Variants in TUBE1 observed in about 807,000 individuals in gnomAD.
The protein encoded by TUBE1 is tubulin epsilon 1.
In TUBE1, 34 loss-of-function variants were observed where a neutral mutation model predicts 53.5. The observed-to-expected ratio is 0.64, with a 90% CI of 0.48 to 0.85. TUBE1 has a LOEUF of 0.85. Ranked by LOEUF, TUBE1 falls within the 40% of genes least tolerant of loss-of-function variation. The pLI is 0.00. For missense variants in TUBE1, 532 were observed against 570.5 expected (o/e 0.93, Z 0.69); for synonymous variants, 177 against 198.4 (o/e 0.89, Z 0.91).
chr6:112,087,233 C>T lies in TUBE1; in HGVS notation c.99G>A (p.Gln33=), dbSNP rs1162941454. 1.3e-6 allele frequency: 2 copies of T among 1,550,738 alleles called. No individual in the cohort carries two copies. The highest frequency in any genetic ancestry group is 2.7e-5 in the African/African-American group (2 of 73,046). Reference sequence around the variant, plus strand: ...GGGGCTCGCGGCGGCGGGCGGGTACCTGGTTGACCGCGGCGTGCTCCCTTA... The same window carrying T: ...GGGGCTCGCGGCGGCGGGCGGGTACTTGGTTGACCGCGGCGTGCTCCCTTA... ...LALREHAAVN[Q]KGIYDEAISS... Residue 33 remains glutamine (Q), a splice_region_variant and synonymous_variant, in exon 2 of 12, where the codon CAG becomes CAA. Transcript: ENST00000368662.
chr6:112,079,827 A>T lies in TUBE1; in HGVS notation c.327-73T>A, dbSNP rs1228654755. Reference sequence around the variant, plus strand: ...TATTTGATTAGTTCTAATCTAAATAAAAGGATTTTAAACAAATTTGAAAAG... The same window carrying T: ...TATTTGATTAGTTCTAATCTAAATATAAGGATTTTAAACAAATTTGAAAAG... On this transcript the variant is annotated intron_variant, in intron 5 of 11. Transcript: ENST00000368662. 78 of 1,421,626 alleles carry T rather than the reference A, an allele frequency of 5.5e-5. 1 individual carries two copies. In the East Asian group the frequency reaches 1.9e-3, roughly 35 times the overall value. 88.1% of individuals were successfully genotyped at this position (1,421,626 alleles called of 1,614,324 possible).
chr6:112,071,496 T>A lies in TUBE1; in HGVS notation c.1344A>T (p.Ser448=), dbSNP rs1562601287. The A allele has an allele frequency of 3.1e-6, 5 of 1,612,828 alleles. No individual in the cohort carries two copies. Among genetic ancestry groups the A allele is most frequent in the Non-Finnish European group, 3.4e-6 (4 of 1,179,234 alleles). The part of the protein sequence containing the change: ...SCFTEAVSSL[S]ALIQEYDQLD... ...GTTGGTCATATTCCTGTATGAGTGC[T>A]GATAAAGATGACACAGCTTCTGTGA... The change falls in exon 12 of 12, where the codon TCA becomes TCT. Residue 448 remains serine, a synonymous_variant. Coordinates refer to ENST00000368662, the MANE Select transcript of TUBE1 (RefSeq NM_016262.5).
chr6:112,080,557 G>A (rs1348562350), intron 5 of TUBE1, among the ~76,000 whole-genome samples: 1 of 152,028 alleles, frequency 6.6e-6, no homozygotes, highest in Admixed American at 6.5e-5. Context: ...ATGAATATGA[G>A]AGATTTGCAA....
At chr6:112,079,514 C>T in intron 6 of TUBE1, 119 bp downstream of exon 6, 1 of 943,560 alleles carries the variant, frequency 1.1e-6, no homozygotes, top group Non-Finnish European at 1.6e-6. Context: ...TCAAACTACA[C>T]ACCCTCCGAA....
chr6:112,086,758 C>A (rs1241950972), intron 2 of TUBE1, 150 bp from the exon 3 acceptor site: 1 of 595,500 alleles, frequency 1.7e-6, no homozygotes, highest in Non-Finnish European at 2.9e-6. Flanking sequence ...CCTGACTCTT[C>A]CCAATCTCCT....
At chr6:112,078,058 A>G (rs961408239) in intron 6 of TUBE1, 3 of 152,178 alleles carry the variant, frequency 2.0e-5, no homozygotes, top group African/African-American at 7.2e-5. Context: ...ACTAAATACA[A>G]TTTTGAATAT....
intron 7 of TUBE1, 91 bp from the exon 8 acceptor site, chr6:112,076,203 A>G: frequency 6.8e-7 from 1 of 1,478,638 alleles, no homozygotes; most frequent in Non-Finnish European, 9.1e-7. Context: ...AACAATTTAA[A>G]CTGATTTTTT....
chr6:112,075,067 TC>T (rs66719827), intron 8 of TUBE1: 34,164 of 179,864 alleles, frequency 0.19, 4,271 homozygotes, highest in African/African-American at 0.25. Flanking sequence ...TTTTTTTCTT[TC>T]TTTTTTTTTT....
At chr6:112,071,750 G>T in intron 11 of TUBE1, 152 bp downstream of exon 11, 1 of 922,878 alleles carries the variant, frequency 1.1e-6, no homozygotes, top group Non-Finnish European at 1.6e-6. Flanking sequence ...TAGAGTAAAA[G>T]TAGCATGAGT....
intron 5 of TUBE1, 131 bp from the exon 6 acceptor site, chr6:112,079,885 G>T: frequency 1.2e-6 from 1 of 828,610 alleles, no homozygotes; most frequent in Non-Finnish European, 1.8e-6. Flanking sequence ...GTCTATTCTT[G>T]TTTCATGTAA....
chr6:112,079,973 GATA>G (rs1777044575), intron 5 of TUBE1, among the ~76,000 whole-genome samples: 2 of 150,970 alleles, frequency 1.3e-5, no homozygotes, highest in Non-Finnish European at 1.5e-5. Context: ...CAAATATCTG[GATA>G]AGTAAGCTCA....
intron 4 of TUBE1, among the ~76,000 whole-genome samples, chr6:112,083,260 C>A (rs1554316951): frequency 6.6e-6 from 1 of 151,496 alleles, no homozygotes; most frequent in East Asian, 1.9e-4. Flanking sequence ...AACTATTGCT[C>A]ACCAGTCTTT....
chr6:112,081,195 C>T lies in TUBE1; in HGVS notation c.223G>A (p.Asp75Asn), dbSNP rs1465278828. 6.3e-7 allele frequency: 1 copy of T among 1,582,338 alleles called. No homozygotes were observed. The highest frequency in any genetic ancestry group is 1.3e-5 in the African/African-American group (1 of 74,088). Residue 75 changes from aspartate to asparagine, a missense_variant, in exon 5 of 12, where the codon GAT becomes AAT. Transcript: ENST00000368662. ...TCATTCACTACCCCTTCTTCCATAT[C>T]AATCAAGACTGCCTGAGAAAGAAAA... ...CSLKARAVLI[D>N]MEEGVVNEIL...
chr6:112,086,363 A>G (rs946563766), intron 3 of TUBE1, among the ~76,000 whole-genome samples, 193 bp downstream of exon 3: 1 of 152,238 alleles, frequency 6.6e-6, no homozygotes, highest in Non-Finnish European at 1.5e-5. Flanking sequence ...GTCACACTAA[A>G]GGGAAATCTG....
At chr6:112,078,922 G>T (rs893233000) in intron 6 of TUBE1, among the ~76,000 whole-genome samples, 122 of 152,094 alleles carry the variant, frequency 8.0e-4, no homozygotes, top group African/African-American at 2.8e-3. Context: ...TTAATCTCAG[G>T]TTGGAGGAAA....
intron 7 of TUBE1, 76 bp from the exon 8 acceptor site, chr6:112,076,188 A>T: frequency 6.7e-7 from 1 of 1,496,912 alleles, no homozygotes; most frequent in South Asian, 1.3e-5. Context: ...GGAAAGAGAA[A>T]GAAAAACAAT....
rs1363082267 is a variant in TUBE1, at chr6:112,087,459, G to A, written c.-25C>T. The A allele has an allele frequency of 3.9e-6, 6 of 1,549,200 alleles. No individual in the cohort carries two copies. The highest frequency in any genetic ancestry group is 5.2e-6 in the Non-Finnish European group (6 of 1,145,840). On this transcript the variant is annotated 5_prime_UTR_variant, in exon 1 of 12. Transcript: ENST00000368662. ...TGGTGGTGCGCCGCCGGCTCCGGGA[G>A]CTTGCTAGCCCGCGGCCGCTTCTGC...
At chr6:112,073,044 T>G (rs1776897165) in intron 9 of TUBE1, 146 bp from the exon 10 acceptor site, 1 of 463,214 alleles carries the variant, frequency 2.2e-6, no homozygotes, top group Non-Finnish European at 3.4e-6. Flanking sequence ...CTAAAAATAT[T>G]AAATAACTAT....
chr6:112,084,822 T>C (rs1334745215), intron 3 of TUBE1, among the ~76,000 whole-genome samples: 2 of 152,214 alleles, frequency 1.3e-5, no homozygotes, highest in Non-Finnish European at 2.9e-5. Context: ...ATAACTGGTA[T>C]TTACCATTGA....
Sources: allele counts gnomAD v4.1 joint callset (sites outside exome capture counted in the v4.1 genomes callset), GRCh38; gene constraint gnomAD v4.1.1; transcripts MANE v1.5; gene names NCBI Gene and HGNC (gene_info 2026-07-23, HGNC 2026-07-21).